The following SAMM50 variants were observed in gnomAD, a reference collection of about 807,000 sequenced individuals.
SAMM50 encodes sorting and assembly machinery component 50 homolog.
A neutral mutation model predicts 66.9 loss-of-function variants in SAMM50; 47 were observed. The ratio of observed to expected loss-of-function variants is 0.70; its 90% CI spans 0.56 to 0.90. The LOEUF (loss-of-function observed/expected upper bound fraction) is 0.90, where lower values mean the gene tolerates loss of function less well. Ranked by LOEUF, SAMM50 falls within the 40% of genes least tolerant of loss-of-function variation. SAMM50 has a pLI of 0.00. For missense variants in SAMM50, 535 were observed against 595.3 expected, an observed-to-expected ratio of 0.90 and a Z score of 1.05; for synonymous variants, 191 against 214.1, an observed-to-expected ratio of 0.89 and a Z score of 0.94.
chr22:43,969,119 G>C (rs1218694167), intron 4 of SAMM50, among the ~76,000 whole-genome samples: 2 of 152,134 alleles, frequency 1.3e-5, no homozygotes, highest in Non-Finnish European at 2.9e-5. Context: ...CTGGATTTTT[G>C]TATGAGGCCG....
intron 10 of SAMM50, among the ~76,000 whole-genome samples, chr22:43,978,948 A>G (rs1372525028): frequency 6.6e-6 from 1 of 152,142 alleles, no homozygotes; most frequent in Non-Finnish European, 1.5e-5. Flanking sequence ...TTGACTCTGC[A>G]CTTTGAACTT....
chr22:43,968,110 C>A (rs1463027459), intron 3 of SAMM50, among the ~76,000 whole-genome samples: 3 of 151,058 alleles, frequency 2.0e-5, no homozygotes, highest in Non-Finnish European at 4.4e-5. Flanking sequence ...GCCTGCAATC[C>A]CAGCTACTCA....
In SAMM50 at chr22:43,990,492, G is replaced by C. The variant is rs2050317994; in HGVS notation, c.1364+86G>C. On this transcript the variant is annotated intron_variant, in intron 14 of 14. Coordinates refer to ENST00000350028, the MANE Select transcript of SAMM50 (RefSeq NM_015380.5). ...TTGGACGTGGTTAATTTCATTAGTG[G>C]CTTTTAAGCTTGAAGATTTTAAGAG... 7 of 1,276,634 alleles carry C rather than the reference G, an allele frequency of 5.5e-6. No homozygotes were observed. The South Asian group carries it at 9.2e-5, about 17-fold the overall frequency. The allele number at this position is 1,276,634 out of a possible 1,614,324, so 79.1% of individuals were successfully genotyped here.
In SAMM50 at chr22:43,964,468, T is replaced by C. The variant is rs1305896517; in HGVS notation, c.149T>C (p.Val50Ala). ...LENKDVVVQH[V>A]HFDGLGRTKD... The stretch of plus-strand genomic sequence containing the variant: ...GACTTTTAGGTGGTTGTTCAACATG[T>C]TCATTTTGATGGACTTGGAAGGACT... Residue 50 changes from valine to alanine, a missense_variant, in exon 3 of 15, where the codon GTT (valine) becomes GCT (alanine). Coordinates refer to ENST00000350028, the MANE Select transcript of SAMM50 (RefSeq NM_015380.5). 1.9e-6 allele frequency: 3 copies of C among 1,607,280 alleles called. No individual in the cohort carries two copies. The highest frequency in any genetic ancestry group is 2.6e-6 in the Non-Finnish European group (3 of 1,173,962).
intron 1 of SAMM50, among the ~76,000 whole-genome samples, chr22:43,959,722 A>G (rs763561336): frequency 1.3e-5 from 2 of 152,124 alleles, no homozygotes; most frequent in African/African-American, 4.8e-5. Flanking sequence ...CATGCCTATT[A>G]TTCTAGGCAT....
intron 2 of SAMM50, among the ~76,000 whole-genome samples, chr22:43,963,681 A>C (rs1405063874): frequency 6.6e-6 from 1 of 152,198 alleles, no homozygotes; most frequent in Non-Finnish European, 1.5e-5. Flanking sequence ...ACTATACTTA[A>C]ATTTATATTT....
In SAMM50 at chr22:43,972,259, T is replaced by G; in HGVS notation, c.346T>G (p.Leu116Val). The G allele has an allele frequency of 6.3e-7, 1 of 1,598,970 alleles. No homozygotes were observed. The highest frequency in any genetic ancestry group is 8.5e-7 in the Non-Finnish European group (1 of 1,175,262). The stretch of plus-strand genomic sequence containing the variant: ...AGGTGATGACGCACTTCCAAATGGG[T>G]TAGACGTTACCTTTGAAGTAACTGA... The part of the protein sequence containing the change: ...CQGDDALPNG[L>V]DVTFEVTELR... Residue 116 changes from leucine (L) to valine (V), a missense_variant, in exon 5 of 15, where the codon TTA (leucine) becomes GTA (valine). Transcript: ENST00000350028.
chr22:43,989,895 C>A (rs1294027604), intron 13 of SAMM50, among the ~76,000 whole-genome samples: 2 of 152,188 alleles, frequency 1.3e-5, no homozygotes, highest in Non-Finnish European at 2.9e-5. Context: ...AGACTCCCAG[C>A]AGATGCCTGG....
At chr22:43,969,840 A>C (rs191329225) in intron 4 of SAMM50, among the ~76,000 whole-genome samples, 15 of 152,292 alleles carry the variant, frequency 9.8e-5, no homozygotes, top group Admixed American at 3.9e-4. Context: ...ACAAGGAAGA[A>C]AAGCCGTCAG....
rs1603420910 is a variant in SAMM50 at position 43,996,474 on chromosome 22, T to A, written c.*91T>A. The A allele has an allele frequency of 8.3e-7, 1 of 1,209,310 alleles. No individual in the cohort carries two copies. Among genetic ancestry groups the A allele is most frequent in the African/African-American group, 1.5e-5 (1 of 66,796 alleles). 74.9% of individuals were successfully genotyped at this position (1,209,310 alleles called of 1,614,324 possible). ...CTCTCGAGGAAACGCGGTTCAGCGA[T>A]TCTTTGACTGCGGACCCTGTGGGAA... On this transcript the variant is annotated 3_prime_UTR_variant, in exon 15 of 15. Coordinates refer to ENST00000350028, the MANE Select transcript of SAMM50 (RefSeq NM_015380.5).
chr22:43,980,154 A>G (rs1204456459), intron 10 of SAMM50, among the ~76,000 whole-genome samples: 30 of 17,790 alleles, frequency 1.7e-3, no homozygotes, highest in East Asian at 2.5e-3. Flanking sequence ...CCATCCATCC[A>G]TCCATCCATT....
At chr22:43,966,743 G>T (rs144144339) in intron 3 of SAMM50, among the ~76,000 whole-genome samples, 1 of 151,840 alleles carries the variant, frequency 6.6e-6, no homozygotes, top group South Asian at 2.1e-4. Context: ...TTGCCATCTT[G>T]TTAGAAGAAA....
chr22:43,972,783 G>GGAA, intron 5 of SAMM50, 88 bp from the exon 6 acceptor site: 1 of 1,215,322 alleles, frequency 8.2e-7, no homozygotes, highest in Admixed American at 2.5e-5. Flanking sequence ...TTTTATGAAA[G>GGAA]TCCCTTAGCT....
chr22:43,967,656 C>T (rs186844014), intron 3 of SAMM50, among the ~76,000 whole-genome samples: 61 of 152,224 alleles, frequency 4.0e-4, no homozygotes, highest in African/African-American at 1.4e-3. Flanking sequence ...CAGAATACCG[C>T]ATTCGTCTGT....
chr22:43,973,097 C>T, intron 6 of SAMM50, 96 bp downstream of exon 6: 2 of 1,475,606 alleles, frequency 1.4e-6, no homozygotes, highest in Non-Finnish European at 9.2e-7. Flanking sequence ...AATCAGCTGC[C>T]ACTTCTGCAG....
At chr22:43,996,263 C>T (rs1175579535) in intron 14 of SAMM50, 75 bp from the exon 15 acceptor site, 4 of 1,506,392 alleles carry the variant, frequency 2.7e-6, no homozygotes, top group Admixed American at 1.7e-5. Flanking sequence ...TTCTGAGAGG[C>T]GCATGCTCAG....
In SAMM50 at chr22:43,972,880, C is replaced by T. The variant is rs778564857; in HGVS notation, c.439C>T (p.Leu147Phe). The T allele has an allele frequency of 5.6e-6, 9 of 1,593,332 alleles. No homozygotes were observed. The highest frequency in any genetic ancestry group is 1.2e-5 in the South Asian group (1 of 85,456). Residue 147 changes from leucine to phenylalanine, a missense_variant, in exon 6 of 15, where the codon CTC becomes TTC. Leu to Phe is a conservative substitution (Grantham distance 22, BLOSUM62 0). Transcript: ENST00000350028. ...TTTTTTCCCCTCCTAGGTACTTGGCCTCAAGCTTCCTAATCTTCTTGGTCG... is the reference window on the plus strand; with the variant it reads ...TTTTTTCCCCTCCTAGGTACTTGGCTTCAAGCTTCCTAATCTTCTTGGTCG... The part of the protein sequence containing the change: ...GNNEGSMVLG[L>F]KLPNLLGRAE...
At chr22:43,973,782 T>G (rs1315694389) in intron 7 of SAMM50, among the ~76,000 whole-genome samples, 2 of 152,104 alleles carry the variant, frequency 1.3e-5, no homozygotes, top group Admixed American at 1.3e-4. Context: ...AGCTAATTTT[T>G]GTTATTTTTA....
At chr22:43,979,322 C>T (rs2050250404) in intron 10 of SAMM50, among the ~76,000 whole-genome samples, 1 of 152,216 alleles carries the variant, frequency 6.6e-6, no homozygotes, top group South Asian at 2.1e-4. Flanking sequence ...GTCTCAGCCC[C>T]TACCTTACAG....
Sources: gnomAD v4.1 joint callset for allele counts (sites outside exome capture counted in the v4.1 genomes callset) on GRCh38, gnomAD v4.1.1 for gene constraint, MANE v1.5 for transcripts, NCBI Gene and HGNC (gene_info 2026-07-23, HGNC 2026-07-21) for gene names.